ATP13A4: variants seen among roughly 807,000 people sequenced by gnomAD.
ATP13A4 encodes ATPase 13A4.
A neutral mutation model predicts 142.5 loss-of-function variants in ATP13A4; 114 were observed. That is an observed-to-expected ratio of 0.80 (90% confidence interval 0.69 to 0.93). The LOEUF is 0.93. Ranked by LOEUF, ATP13A4 falls within the 40% of genes least tolerant of loss-of-function variation. The pLI, the probability that ATP13A4 is intolerant of heterozygous loss-of-function variation, is 0.00. For synonymous variants in ATP13A4, 488 were observed against 514.8 expected (o/e 0.95, Z 0.70); for missense variants, 1,392 against 1,454.0 (o/e 0.96, Z 0.69).
intron 7 of ATP13A4, among the ~76,000 whole-genome samples, chr3:193,484,310 A>AAAAT (rs201541607): frequency 0.2 from 29,088 of 144,312 alleles, 3,022 homozygotes; most frequent in Non-Finnish European, 0.21. Flanking sequence ...ACTCTGTCTC[A>AAAAT]AAATAAATAA....
Position 193,418,335 on chromosome 3 carries a change from T to A in ATP13A4, c.2843-3585A>T, listed in dbSNP as rs551658711. The stretch of plus-strand genomic sequence containing the variant: ...CCATCTCAAAAAAAAAAAAAAGAAA[T>A]TAAAGTCAACTGGATGTCAGCAAGA... On this transcript the variant is annotated intron_variant, in intron 25 of 29. Coordinates refer to ENST00000342695, the MANE Select transcript of ATP13A4 (RefSeq NM_032279.4). 5.4e-4 allele frequency among the ~76,000 whole-genome samples: 78 copies of A among 143,566 alleles called. 2 individuals carry two copies. The highest frequency in any genetic ancestry group is 1.9e-3 in the African/African-American group (73 of 38,692). The allele number at this position is 143,566 out of a possible 152,430, so 94.2% of individuals were successfully genotyped here. A position where few individuals can be genotyped will look rare whatever the true frequency, so the allele number is the denominator to read the frequency against.
chr3:193,424,269 C>A (rs148582394), intron 25 of ATP13A4, among the ~76,000 whole-genome samples: 2,356 of 148,964 alleles, frequency 0.016, 166 homozygotes, highest in African/African-American at 0.055. Context: ...AAACAATCTA[C>A]AGATTCAATC....
Position 193,541,354 on chromosome 3 carries a change from TTATCTATCTGTGATTATCGATCAC to T in ATP13A4, c.60+13362_60+13385del, listed in dbSNP as rs1560270156. On this transcript the variant is annotated intron_variant, in intron 1 of 29. Transcript: ENST00000342695. The stretch of plus-strand genomic sequence containing the variant: ...TACAAAGATATTATCTGATCACAGA[TTATCTATCTGTGATTATCGATCAC>T]AGATTATCTATCTGTGATTATCGAT... Among the ~76,000 whole-genome samples, 19 of 90,148 alleles carry T rather than the reference TTATCTATCTGTGATTATCGATCAC, an allele frequency of 2.1e-4. No individual in the cohort carries two copies. The East Asian group carries it at 3.7e-3, about 18-fold the overall frequency. 59.1% of individuals were successfully genotyped at this position (90,148 alleles called of 152,430 possible).
At chr3:193,434,742 A>T (rs773082794) in intron 24 of ATP13A4, among the ~76,000 whole-genome samples, 1 of 152,210 alleles carries the variant, frequency 6.6e-6, no homozygotes, top group Non-Finnish European at 1.5e-5. Context: ...TTAATACGGT[A>T]ATCTCACATG....
chr3:193,413,291 C>G (rs897727680), intron 26 of ATP13A4, among the ~76,000 whole-genome samples: 1 of 152,108 alleles, frequency 6.6e-6, no homozygotes, highest in Non-Finnish European at 1.5e-5. Context: ...TCTCTTAATC[C>G]TGTTATCTTC....
At chr3:193,438,642 C>T (rs1367116834) in intron 22 of ATP13A4, 58 bp from the exon 23 acceptor site, 13 of 1,463,388 alleles carry the variant, frequency 8.9e-6, no homozygotes, top group Non-Finnish European at 1.1e-5. Context: ...TCTACTAAAG[C>T]CTCATAAGAA....
chr3:193,494,239 G>T (rs866476034), intron 3 of ATP13A4, among the ~76,000 whole-genome samples: 1 of 151,858 alleles, frequency 6.6e-6, no homozygotes, highest in African/African-American at 2.4e-5. Context: ...GAAAATTAAC[G>T]AAGAAATATC....
chr3:193,470,114 C>T (rs1718534504), intron 9 of ATP13A4, among the ~76,000 whole-genome samples: 1 of 152,224 alleles, frequency 6.6e-6, no homozygotes, highest in African/African-American at 2.4e-5. Context: ...AGTGCGTTCA[C>T]AGCCTCTCAT....
At chr3:193,563,262 A>G (rs1724056611) in intron 2 of ATP13A4, among the ~76,000 whole-genome samples, 1 of 152,188 alleles carries the variant, frequency 6.6e-6, no homozygotes, top group Admixed American at 6.5e-5. Flanking sequence ...GAAGAGTGTC[A>G]GCCCATCAGG....
At chr3:193,499,263 A>G (rs1053108794) in intron 3 of ATP13A4, among the ~76,000 whole-genome samples, 1 of 152,222 alleles carries the variant, frequency 6.6e-6, no homozygotes, top group Non-Finnish European at 1.5e-5. Context: ...ATCTCTCTCT[A>G]ATTTGCAGAT....
At position 193,457,444 on chromosome 3, in the gene ATP13A4, C is replaced by A. The variant is rs778752011; in HGVS notation, c.1696G>T (p.Asp566Tyr). 1 of 1,614,010 alleles carries A rather than the reference C, an allele frequency of 6.2e-7. No homozygotes were observed. Among genetic ancestry groups the A allele is most frequent in the East Asian group, 2.2e-5 (1 of 44,886 alleles). Residue 566 changes from aspartate to tyrosine, a missense_variant, in exon 15 of 30, where the codon GAT (aspartate) becomes TAT (tyrosine). Physicochemically the swap from Asp to Tyr is radical, Grantham distance 160. Coordinates refer to ENST00000342695, the MANE Select transcript of ATP13A4 (RefSeq NM_032279.4). ...GCCGGCACTCCCTTGATGTGGAAAT[C>A]GTCCCCAGAAAAAGCCATTTCCTAT... ...TTWEMAFSGD[D>Y]FHIKGVPAHA...
At position 193,400,578 on chromosome 3, in the gene ATP13A4, G is replaced by A. The variant is rs1187042285; in HGVS notation, c.*2074C>T. ...TGCCCTGCTGGAACTCTGGAATTTG[G>A]AAGTATTTGGCAGCAATATAAGGTT... On this transcript the variant is annotated 3_prime_UTR_variant, in exon 30 of 30. Coordinates refer to ENST00000342695, the MANE Select transcript of ATP13A4 (RefSeq NM_032279.4). Among the ~76,000 whole-genome samples the A allele has an allele frequency of 6.6e-6, 1 of 152,330 alleles. No individual in the cohort carries two copies. The highest frequency in any genetic ancestry group is 1.9e-4 in the East Asian group (1 of 5,178).
At chr3:193,575,838 A>G (rs549042900) in intron 2 of ATP13A4, among the ~76,000 whole-genome samples, 80 of 152,334 alleles carry the variant, frequency 5.3e-4, no homozygotes, top group African/African-American at 1.9e-3. Flanking sequence ...GGTAGAGAAG[A>G]AGGATAACAG....
chr3:193,457,320 G>T, intron 15 of ATP13A4, 59 bp downstream of exon 15: 2 of 1,595,286 alleles, frequency 1.3e-6, no homozygotes, highest in Non-Finnish European at 1.7e-6. Flanking sequence ...AAAACTGGGG[G>T]CCAGAAGAGT....
upstream of ATP13A4, chr3:193,555,072 TC>T: frequency 1.5e-6 from 1 of 667,502 alleles, no homozygotes; most frequent in Non-Finnish European, 2.3e-6. Flanking sequence ...AGGAGGCTGC[TC>T]CCATGCCGAT....
At chr3:193,466,735 T>C (rs1270880155) in intron 10 of ATP13A4, among the ~76,000 whole-genome samples, 1 of 152,254 alleles carries the variant, frequency 6.6e-6, no homozygotes, top group East Asian at 1.9e-4. Context: ...GCAGAAACAG[T>C]AAGCATCTCT....
intron 1 of ATP13A4, among the ~76,000 whole-genome samples, chr3:193,583,675 T>C (rs113371771): frequency 7.3e-5 from 11 of 151,516 alleles, no homozygotes; most frequent in Admixed American, 6.6e-4. Context: ...AATCAGACAA[T>C]AAGTTGGCAT....
chr3:193,542,823 T>C (rs1399134207), intron 1 of ATP13A4, among the ~76,000 whole-genome samples: 1 of 152,038 alleles, frequency 6.6e-6, no homozygotes, highest in East Asian at 1.9e-4. Context: ...TATACAAAAA[T>C]TAACTCAATA....
intron 1 of ATP13A4, among the ~76,000 whole-genome samples, chr3:193,587,447 TTA>T (rs1205414233): frequency 1.3e-5 from 2 of 152,180 alleles, no homozygotes; most frequent in Non-Finnish European, 2.9e-5. Context: ...TGGATGGCAT[TTA>T]GGGCCTACCT....
Sources: allele counts gnomAD v4.1 joint callset (sites outside exome capture counted in the v4.1 genomes callset), GRCh38; gene constraint gnomAD v4.1.1; transcripts MANE v1.5; gene names NCBI Gene and HGNC (gene_info 2026-07-23, HGNC 2026-07-21).